ACY3: variants seen among roughly 807,000 people sequenced by gnomAD.
The protein encoded by ACY3 is N-acyl-aromatic-L-amino acid amidohydrolase (carboxylate-forming).
ACY3 carries 20 observed loss-of-function variants against 24.6 expected under a neutral mutation model. The ratio of observed to expected loss-of-function variants is 0.81; its 90% CI spans 0.57 to 1.18. The LOEUF is 1.18. Ranked by LOEUF, ACY3 falls within the 50% of genes most tolerant of loss-of-function variation. The probability of loss-of-function intolerance (pLI) is 0.00; values close to 1 mark genes in which losing one functional copy is unlikely to be tolerated. For missense variants in ACY3, 423 were observed against 426.8 expected (o/e 0.99, Z 0.08); for synonymous variants, 174 against 188.4 (o/e 0.92, Z 0.62).
rs544291981 is a variant in ACY3 at position 67,648,142 on chromosome 11, C to T, written c.-94-553G>A. 1.7e-3 allele frequency among the ~76,000 whole-genome samples: 262 copies of T among 152,342 alleles called. 2 individuals are homozygous for T. The highest frequency in any genetic ancestry group is 3.0e-3 in the Non-Finnish European group (202 of 68,036). On this transcript the variant is annotated intron_variant, in intron 1 of 7. Coordinates refer to ENST00000255082, the MANE Select transcript of ACY3 (RefSeq NM_080658.2). ...CAAGGACAGTGTAACTCAGATGACT[C>T]GGTTTGCCCTGTTTTGGGAACAACC...
rs201691771 is a variant in ACY3, at chr11:67,644,795, C to G, written c.709G>C (p.Gly237Arg). The G allele has an allele frequency of 1.1e-4, 168 of 1,563,224 alleles. 2 individuals carry two copies. The East Asian group carries it at 2.0e-3, about 18-fold the overall frequency. ...GGATGCACAGTGCCTGCCAGGTGCC[C>G]GGCCTCGGTGCGGGGGAAGTCCACG... ...GVVDFPRTEA[G>R]HLAGTVHPQL... Residue 237 changes from glycine (G) to arginine (R), a missense_variant, in exon 7 of 8, where the codon GGG becomes CGG. Gly to Arg is a moderately radical substitution (Grantham distance 125). Coordinates refer to ENST00000255082, the MANE Select transcript of ACY3 (RefSeq NM_080658.2).
Position 67,645,116 on chromosome 11 carries a change from C to A in ACY3, c.563G>T (p.Arg188Leu). Residue 188 changes from arginine to leucine, a missense_variant, in exon 6 of 8, where the codon CGG (arginine) becomes CTG (leucine). Coordinates refer to ENST00000255082, the MANE Select transcript of ACY3 (RefSeq NM_080658.2). ...CCTCATCCTTGAGAAAATGTCAGCCCGCAGCACACCCTGTGGCTGGGGGCC... is the reference window on the plus strand; with the variant it reads ...CCTCATCCTTGAGAAAATGTCAGCCAGCAGCACACCCTGTGGCTGGGGGCC... The part of the protein sequence containing the change: ...ELGPQPQGVL[R>L]ADIFSRMRTL... The A allele has an allele frequency of 1.9e-6, 3 of 1,613,572 alleles. No individual in the cohort carries two copies. In the South Asian group the frequency reaches 3.3e-5, roughly 18 times the overall value.
chr11:67,644,972 C>G (rs1157561260), intron 6 of ACY3, 73 bp downstream of exon 6: 2 of 1,580,674 alleles, frequency 1.3e-6, no homozygotes, highest in Non-Finnish European at 1.7e-6. Context: ...TGCCTGTGAG[C>G]CTGGCTCCCC....
chr11:67,643,742 C>G (rs1565237370), intron 7 of ACY3, among the ~76,000 whole-genome samples: 1 of 151,370 alleles, frequency 6.6e-6, no homozygotes, highest in Non-Finnish European at 1.5e-5. Flanking sequence ...GGCCTGTAAT[C>G]TCAGCACTTT....
chr11:67,645,792 A>G lies in ACY3; in HGVS notation c.332T>C (p.Phe111Ser). The G allele has an allele frequency of 1.2e-6, 2 of 1,614,000 alleles. No homozygotes were observed. The highest frequency in any genetic ancestry group is 1.7e-6 in the Non-Finnish European group (2 of 1,179,954). ...CGTGGTGTTGTGCAGGTCAAGGACA[A>G]AGTCAAAGGCCTGGCCCGAGGCCTT... is the stretch of plus-strand genomic sequence containing the variant. The part of the protein sequence containing the change: ...GPKASGQAFD[F>S]VLDLHNTTAN... Residue 111 changes from phenylalanine (F) to serine (S), a missense_variant, in exon 4 of 8, where the codon TTT becomes TCT. Phe to Ser is a radical substitution (Grantham distance 155, BLOSUM62 -2). Coordinates refer to ENST00000255082, the MANE Select transcript of ACY3 (RefSeq NM_080658.2).
Position 67,647,026 on chromosome 11 carries a change from C to T in ACY3, c.18G>A (p.Val6=). 1 of 1,536,760 alleles carries T rather than the reference C, an allele frequency of 6.5e-7. No homozygotes were observed. Among genetic ancestry groups the T allele is most frequent in the Non-Finnish European group, 8.8e-7 (1 of 1,138,932 alleles). The stretch of plus-strand genomic sequence containing the variant: ...CCACGCGACGCAGGGGCTCCCGGGG[C>T]ACAGGCAGTGAGCACATGCTGGTGT... MCSLP[V]PREPLRRVAV... is the part of the protein sequence containing the mutation. Residue 6 remains valine, a synonymous_variant, in exon 3 of 8, where the codon GTG becomes GTA. Coordinates refer to ENST00000255082, the MANE Select transcript of ACY3 (RefSeq NM_080658.2).
intron 7 of ACY3, among the ~76,000 whole-genome samples, chr11:67,644,434 A>G (rs1855468303): frequency 6.6e-6 from 1 of 152,344 alleles, no homozygotes; most frequent in East Asian, 1.9e-4. Context: ...AGGTGAATTG[A>G]GTCATGCCTG....
chr11:67,649,816 G>C (rs1233300761), intron 1 of ACY3, among the ~76,000 whole-genome samples: 1 of 149,622 alleles, frequency 6.7e-6, no homozygotes, highest in African/African-American at 2.4e-5. Flanking sequence ...TTGTGTGCAT[G>C]TGTGCATGCA....
rs74533283 is a variant in ACY3, at chr11:67,645,066, A to G, written c.613T>C (p.Phe205Leu). The G allele has an allele frequency of 8.5e-4, 1,377 of 1,613,926 alleles. 8 individuals carry two copies. The African/African-American group carries it at 0.016, about 19-fold the overall frequency. The change falls in exon 6 of 8, where the codon TTC becomes CTC. Residue 205 changes from phenylalanine (F) to leucine (L), a missense_variant. Phe to Leu is a conservative substitution (Grantham distance 22). Coordinates refer to ENST00000255082, the MANE Select transcript of ACY3 (RefSeq NM_080658.2). The part of the protein sequence containing the change: ...MRTLVATVLD[F>L]IELFNQGTAF... ...TCACCCTGGTTGAAGAGTTCGATGAAGTCCAGAACTGTGGCCACCAGGGTC... is the reference window on the plus strand; with the variant it reads ...TCACCCTGGTTGAAGAGTTCGATGAGGTCCAGAACTGTGGCCACCAGGGTC...
In ACY3 at chr11:67,642,673, A is replaced by G. The variant is rs754159939; in HGVS notation, c.*51T>C. 6.3e-7 allele frequency: 1 copy of G among 1,582,406 alleles called. No individual in the cohort carries two copies. Among genetic ancestry groups the G allele is most frequent in the Non-Finnish European group, 8.7e-7 (1 of 1,151,474 alleles). ...ACCTCTGTGCTCAGAGCTGTGCCTC[A>G]GGACCCATCGTTCAGATGGGAAGAC... On this transcript the variant is annotated 3_prime_UTR_variant, in exon 8 of 8. Transcript: ENST00000255082.
At chr11:67,643,057 GCTTCACTTC>G in intron 7 of ACY3, 118 bp from the exon 8 acceptor site, 1 of 852,472 alleles carries the variant, frequency 1.2e-6, no homozygotes, top group South Asian at 1.6e-5. Flanking sequence ...TCCCACCCAT[GCTTCACTTC>G]CTTAATCCAT....
intron 1 of ACY3, among the ~76,000 whole-genome samples, chr11:67,648,251 G>C (rs1855553656): frequency 6.6e-6 from 1 of 152,118 alleles, no homozygotes; most frequent in Non-Finnish European, 1.5e-5. Context: ...GCTGCAGGTG[G>C]CCCACAGAAC....
intron 5 of ACY3, 23 bp downstream of exon 5, chr11:67,645,264 C>T (rs567885766): frequency 6.2e-7 from 1 of 1,612,992 alleles, no homozygotes. Context: ...GCCCCGCCCA[C>T]TTCTCAGAAG....
rs1855525167 is a variant in ACY3, at chr11:67,646,829, G to T, written c.215C>A (p.Thr72Asn). The T allele has an allele frequency of 1.9e-6, 3 of 1,613,114 alleles. No homozygotes were observed. The East Asian group carries it at 6.7e-5, about 36-fold the overall frequency. ...RRYVDHDLNRTFTSSFLNSRP... is the reference protein window; with the variant it reads ...RRYVDHDLNRNFTSSFLNSRP... ...TCACTTGAGGAAGCTGCTGGTGAAG[G>T]TGCGGTTGAGGTCATGGTCCACGTA... The change falls in exon 3 of 8, where the codon ACC becomes AAC. Residue 72 changes from threonine (T) to asparagine (N), a missense_variant. By Grantham distance (65) the Thr-to-Asn change is moderately conservative. Transcript: ENST00000255082.
intron 3 of ACY3, among the ~76,000 whole-genome samples, chr11:67,646,136 C>G (rs1855513569): frequency 6.6e-6 from 1 of 152,234 alleles, no homozygotes; most frequent in Admixed American, 6.5e-5. Context: ...CTCTCATGCC[C>G]TCATTCCAGC....
chr11:67,649,675 T>C (rs1468851302), intron 1 of ACY3, among the ~76,000 whole-genome samples: 1 of 146,564 alleles, frequency 6.8e-6, no homozygotes. Flanking sequence ...TGCATGTGCA[T>C]GAGTATTGTG....
At chr11:67,647,449 C>T (rs570880606) in intron 2 of ACY3, 67 bp downstream of exon 2, 7 of 170,962 alleles carry the variant, frequency 4.1e-5, no homozygotes, top group South Asian at 1.9e-4. Context: ...GCAACAGCCT[C>T]GCCTTCCTGC....
chr11:67,645,423 G>T (rs1455446578), intron 4 of ACY3, 43 bp from the exon 5 acceptor site: 1 of 1,589,064 alleles, frequency 6.3e-7, no homozygotes, highest in South Asian at 1.1e-5. Flanking sequence ...GCCTACTTGG[G>T]AAGGGAAACT....
chr11:67,642,764 G>A lies in ACY3; in HGVS notation c.920C>T (p.Ala307Val). The A allele has an allele frequency of 6.2e-7, 1 of 1,614,178 alleles. No individual in the cohort carries two copies. Among genetic ancestry groups the A allele is most frequent in the East Asian group, 2.2e-5 (1 of 44,890 alleles). ...CGGGGCAGGGGTCAGCGCGGGCATGGCAGGCACGGTGAATGTGAACTTCTC... is the reference window on the plus strand; with the variant it reads ...CGGGGCAGGGGTCAGCGCGGGCATGACAGGCACGGTGAATGTGAACTTCTC... ...QTEKFTFTVP[A>V]MPALTPAPSP... is the part of the protein sequence containing the mutation. Residue 307 changes from alanine to valine, a missense_variant, in exon 8 of 8, where the codon GCC (alanine) becomes GTC (valine). Coordinates refer to ENST00000255082, the MANE Select transcript of ACY3 (RefSeq NM_080658.2).
Sources: gnomAD v4.1 joint callset for allele counts (sites outside exome capture counted in the v4.1 genomes callset) on GRCh38, gnomAD v4.1.1 for gene constraint, MANE v1.5 for transcripts, NCBI Gene and HGNC (gene_info 2026-07-23, HGNC 2026-07-21) for gene names.